Variants in SLC26A3 observed in about 807,000 individuals in gnomAD.
SLC26A3 encodes solute carrier family 26 member 3.
A neutral mutation model predicts 85.6 loss-of-function variants in SLC26A3; 64 were observed. That is an observed-to-expected ratio of 0.75 (90% CI 0.61 to 0.92). The LOEUF is 0.92. SLC26A3 is among the 40% of genes least tolerant of loss of function. SLC26A3 has a pLI of 0.00. For missense variants in SLC26A3, 922 were observed against 927.3 expected (o/e 0.99, Z 0.07); for synonymous variants, 349 against 336.0 (o/e 1.04, Z -0.42).
intron 1 of SLC26A3, among the ~76,000 whole-genome samples, chr7:107,800,529 T>A (rs1394109763): frequency 6.6e-6 from 1 of 152,256 alleles, no homozygotes; most frequent in African/African-American, 2.4e-5. Context: ...CTTGTATATA[T>A]GTCTATTCCA....
At position 107,791,158 on chromosome 7, in the gene SLC26A3, C is replaced by T; in HGVS notation, c.460G>A (p.Ala154Thr). 1.9e-6 allele frequency: 3 copies of T among 1,614,174 alleles called. No homozygotes were observed. The highest frequency in any genetic ancestry group is 2.5e-6 in the Non-Finnish European group (3 of 1,180,012). Reference sequence around the variant, plus strand: ...TTGTTAGGCAATCCCAAAGTAGTTGCATTGCGATCTGGGACTGCTTTTGAA... The same window carrying T: ...TTGTTAGGCAATCCCAAAGTAGTTGTATTGCGATCTGGGACTGCTTTTGAA... ...AVSKAVPDRN[A>T]TTLGLPNNSN... The change falls in exon 5 of 21, where the codon GCA becomes ACA. Residue 154 changes from alanine (A) to threonine (T), a missense_variant. Ala to Thr is a moderately conservative substitution (Grantham distance 58). Transcript: ENST00000340010.
chr7:107,801,087 C>A (rs1794591655), intron 1 of SLC26A3, among the ~76,000 whole-genome samples: 2 of 152,162 alleles, frequency 1.3e-5, no homozygotes, highest in Non-Finnish European at 2.9e-5. Context: ...TTTCTGAGCA[C>A]TTTCACTTTT....
intron 1 of SLC26A3, among the ~76,000 whole-genome samples, chr7:107,797,289 T>G (rs1794522732): frequency 6.6e-6 from 1 of 151,698 alleles, no homozygotes; most frequent in Non-Finnish European, 1.5e-5. Context: ...AGGTCAGGGG[T>G]TCAAGACCAA....
At position 107,791,151 on chromosome 7, in the gene SLC26A3, G is replaced by A; in HGVS notation, c.467C>T (p.Thr156Ile). 6.2e-7 allele frequency: 1 copy of A among 1,614,194 alleles called. No homozygotes were observed. Among genetic ancestry groups the A allele is most frequent in the Non-Finnish European group, 8.5e-7 (1 of 1,180,030 alleles). The change falls in exon 5 of 21, where the codon ACT becomes ATT. Residue 156 changes from threonine (T) to isoleucine (I), a missense_variant. Thr to Ile is a moderately conservative substitution (Grantham distance 89). Coordinates refer to ENST00000340010, the MANE Select transcript of SLC26A3 (RefSeq NM_000111.3). ...SKAVPDRNAT[T>I]LGLPNNSNNS... ...ATTCGAGTTGTTAGGCAATCCCAAA[G>A]TAGTTGCATTGCGATCTGGGACTGC...
intron 12 of SLC26A3, 77 bp from the exon 13 acceptor site, chr7:107,778,358 G>C (rs878895900): frequency 3.0e-4 from 107 of 360,088 alleles, no homozygotes; most frequent in East Asian, 6.0e-4. Flanking sequence ...CTTTTAAAAA[G>C]ACTTTTTTTT....
Position 107,782,839 on chromosome 7 carries a change from A to C in SLC26A3, c.1269T>G (p.Ile423Met). Residue 423 changes from isoleucine (I) to methionine (M), a missense_variant, in exon 11 of 21, where the codon ATT (isoleucine) becomes ATG (methionine). Coordinates refer to ENST00000340010, the MANE Select transcript of SLC26A3 (RefSeq NM_000111.3). Reference sequence around the variant, plus strand: ...GGAGAAATCCAATGGCTAGAACGACAATCAGCACGATGATGGCACCAATAA... The same window carrying C: ...GGAGAAATCCAATGGCTAGAACGACCATCAGCACGATGATGGCACCAATAA... Reference protein sequence around the residue: ...AGLIGAIIVLIVVLAIGFLLA... With the variant: ...AGLIGAIIVLMVVLAIGFLLA... 2 of 1,614,160 alleles carry C rather than the reference A, an allele frequency of 1.2e-6. No homozygotes were observed. The highest frequency in any genetic ancestry group is 1.7e-6 in the Non-Finnish European group (2 of 1,179,996).
At chr7:107,777,748 G>A (rs180731829) in intron 13 of SLC26A3, among the ~76,000 whole-genome samples, 218 of 152,208 alleles carry the variant, frequency 1.4e-3, no homozygotes, top group African/African-American at 4.9e-3. Context: ...AAGGTACGAG[G>A]GCAATCTAAC....
chr7:107,794,010 TC>T (rs1319081100), intron 2 of SLC26A3, 129 bp from the exon 3 acceptor site: 2 of 1,236,952 alleles, frequency 1.6e-6, no homozygotes, highest in East Asian at 5.0e-5. Context: ...CCAGTAACAT[TC>T]TTTACCCATA....
At chr7:107,779,618 A>C in intron 12 of SLC26A3, 50 bp downstream of exon 12, 1 of 1,369,628 alleles carries the variant, frequency 7.3e-7, no homozygotes, top group Non-Finnish European at 1.0e-6. Flanking sequence ...ATTAGCATTA[A>C]AATGCTATTG....
At chr7:107,791,350 G>T in intron 4 of SLC26A3, 115 bp from the exon 5 acceptor site, 1 of 1,143,546 alleles carries the variant, frequency 8.7e-7, no homozygotes, top group South Asian at 1.2e-5. Flanking sequence ...GGTGGCTCAC[G>T]CCTGTAATCC....
intron 18 of SLC26A3, 99 bp from the exon 19 acceptor site, chr7:107,768,007 G>A (rs909632645): frequency 9.7e-5 from 104 of 1,070,692 alleles, no homozygotes; most frequent in East Asian, 5.0e-5. Flanking sequence ...GCAAATGTGC[G>A]TTTCATTGAC....
chr7:107,772,156 C>A (rs570444498), intron 17 of SLC26A3, 48 bp from the exon 18 acceptor site: 2 of 1,079,330 alleles, frequency 1.9e-6, no homozygotes, highest in African/African-American at 1.6e-5. Flanking sequence ...TTTCACTTGT[C>A]AGAAATATAA....
intron 16 of SLC26A3, 134 bp from the exon 17 acceptor site, chr7:107,774,287 C>T: frequency 2.7e-6 from 2 of 748,334 alleles, no homozygotes; most frequent in African/African-American, 1.7e-5. Flanking sequence ...TGTGGTGGCT[C>T]ATGCCTGTCA....
At chr7:107,770,513 T>C (rs1324892265) in intron 18 of SLC26A3, among the ~76,000 whole-genome samples, 1 of 151,960 alleles carries the variant, frequency 6.6e-6, no homozygotes, top group Non-Finnish European at 1.5e-5. Context: ...CTGCCTCAGC[T>C]TTCTGGAGTG....
chr7:107,767,695 T>A, intron 19 of SLC26A3, 51 bp from the exon 20 acceptor site: 4 of 1,607,696 alleles, frequency 2.5e-6, no homozygotes, highest in Non-Finnish European at 3.4e-6. Context: ...TTTTTTAATG[T>A]TGAAAAAGAG....
intron 11 of SLC26A3, 121 bp downstream of exon 11, chr7:107,782,676 G>A (rs961004642): frequency 4.3e-6 from 4 of 934,512 alleles, no homozygotes; most frequent in Non-Finnish European, 5.3e-6. Flanking sequence ...TGGCTAAGAA[G>A]AGTACTTGAG....
At chr7:107,780,278 C>A (rs895425703) in intron 11 of SLC26A3, among the ~76,000 whole-genome samples, 3 of 152,058 alleles carry the variant, frequency 2.0e-5, no homozygotes, top group African/African-American at 7.2e-5. Flanking sequence ...TCCCCAGAAC[C>A]TACTATGTTA....
chr7:107,798,223 C>G (rs73725107), intron 1 of SLC26A3, among the ~76,000 whole-genome samples: 368 of 151,478 alleles, frequency 2.4e-3, no homozygotes, highest in African/African-American at 7.7e-3. Flanking sequence ...TAGTCATACA[C>G]GTTGTTGTTC....
At chr7:107,793,143 G>A (rs1209139767) in intron 3 of SLC26A3, among the ~76,000 whole-genome samples, 2 of 152,322 alleles carry the variant, frequency 1.3e-5, no homozygotes, top group Non-Finnish European at 2.9e-5. Flanking sequence ...TAGTGGAAAT[G>A]TAAAATGGTG....
Sources: gnomAD v4.1 joint callset for allele counts (sites outside exome capture counted in the v4.1 genomes callset) on GRCh38, gnomAD v4.1.1 for gene constraint, MANE v1.5 for transcripts, NCBI Gene and HGNC (gene_info 2026-07-23, HGNC 2026-07-21) for gene names.